Variants in ADA observed in about 807,000 individuals in gnomAD.
The protein encoded by ADA is adenosine aminohydrolase.
A neutral mutation model predicts 49.0 loss-of-function variants in ADA; 45 were observed. The observed-to-expected ratio is 0.92, with a 90% CI of 0.72 to 1.18. ADA has a LOEUF of 1.18. Ranked by LOEUF, ADA falls within the 50% of genes most tolerant of loss-of-function variation. ADA has a pLI of 0.00. For synonymous variants in ADA, 173 were observed against 184.2 expected, an observed-to-expected ratio of 0.94 and a Z score of 0.49; for missense variants, 445 against 472.5, an observed-to-expected ratio of 0.94 and a Z score of 0.54.
intron 4 of ADA, 103 bp from the exon 5 acceptor site, chr20:44,625,787 C>G: frequency 2.1e-6 from 2 of 937,664 alleles, no homozygotes; most frequent in Non-Finnish European, 3.4e-6. Context: ...TGGGGAGGAC[C>G]CTCCTCCCCC....
At chr20:44,632,231 C>T (rs1218929480) in intron 2 of ADA, among the ~76,000 whole-genome samples, 1 of 152,038 alleles carries the variant, frequency 6.6e-6, no homozygotes, top group African/African-American at 2.4e-5. Context: ...AGGCAGGAAG[C>T]CGCGGGCATT....
In ADA at chr20:44,624,280, G is replaced by A. The variant is rs780518207; in HGVS notation, c.528C>T (p.Thr176=). Reference sequence around the variant, plus strand: ...CTCCAGCCAGGTCAATGGCTACCACGGTCTGCTGCTGGTACTTCTTACACA... The same window carrying A: ...CTCCAGCCAGGTCAATGGCTACCACAGTCTGCTGCTGGTACTTCTTACACA... The part of the protein sequence containing the change: ...VELCKKYQQQ[T]VVAIDLAGDE... Residue 176 remains threonine (T), a synonymous_variant, in exon 6 of 12, where the codon ACC becomes ACT. Transcript: ENST00000372874. 40 of 1,613,864 alleles carry A rather than the reference G, an allele frequency of 2.5e-5. 1 individual carries two copies. In the East Asian group the frequency reaches 4.5e-4, roughly 18 times the overall value.
chr20:44,639,658 C>T (rs916991905), intron 1 of ADA, among the ~76,000 whole-genome samples: 8 of 152,084 alleles, frequency 5.3e-5, no homozygotes, highest in Admixed American at 5.2e-4. Context: ...AGTGATCTGC[C>T]CACCTCGGCC....
At position 44,643,748 on chromosome 20, in the gene ADA, G is replaced by C. The variant is rs544469921; in HGVS notation, c.34-7460C>G. Among the ~76,000 whole-genome samples, 3 of 152,290 alleles carry C rather than the reference G, an allele frequency of 2.0e-5. No homozygotes were observed. The South Asian group carries it at 6.2e-4, about 32-fold the overall frequency. On this transcript the variant is annotated intron_variant, in intron 1 of 11. Transcript: ENST00000372874. ...TCCCACTGCCTTTGCTCTCTGCAAG[G>C]CTGACTCACAGCCAGCCCAGCATTT...
intron 6 of ADA, chr20:44,623,812 A>G: frequency 3.2e-6 from 1 of 315,566 alleles, no homozygotes; most frequent in East Asian, 8.3e-5. Flanking sequence ...CAGTCGCATT[A>G]TCACAGCTCA....
rs192431376 is a variant in ADA, at chr20:44,629,001, T to C, written c.218+46A>G. On this transcript the variant is annotated intron_variant, in intron 3 of 11. Coordinates refer to ENST00000372874, the MANE Select transcript of ADA (RefSeq NM_000022.4). ...TGAGGGACAGGCCTGGTCCTAGTCA[T>C]AGGGATCAATGCTGCCCTAGGACCT... is the stretch of plus-strand genomic sequence containing the variant. The C allele has an allele frequency of 2.0e-4, 320 of 1,613,698 alleles. 2 individuals are homozygous for C. In the African/African-American group the frequency reaches 3.8e-3, roughly 19 times the overall value.
At chr20:44,650,983 G>A (rs2065639606) in intron 1 of ADA, among the ~76,000 whole-genome samples, 2 of 152,206 alleles carry the variant, frequency 1.3e-5, no homozygotes, top group African/African-American at 4.8e-5. Flanking sequence ...GGCCTCGAGT[G>A]AACCCTGCTA....
intron 1 of ADA, among the ~76,000 whole-genome samples, chr20:44,638,176 T>C (rs890636950): frequency 5.3e-5 from 8 of 152,210 alleles, no homozygotes; most frequent in African/African-American, 1.9e-4. Flanking sequence ...CCTCATCTGT[T>C]AAGTGGGGAG....
chr20:44,650,825 T>C (rs1331020961), intron 1 of ADA, among the ~76,000 whole-genome samples: 1 of 152,134 alleles, frequency 6.6e-6, no homozygotes, highest in Non-Finnish European at 1.5e-5. Context: ...TGACTCACCC[T>C]GCTTGGCAGA....
rs575603724 is a variant in ADA at position 44,623,046 on chromosome 20, G to A, written c.639C>T (p.Val213=). The A allele has an allele frequency of 1.7e-5, 28 of 1,614,102 alleles. No individual in the cohort carries two copies. In the East Asian group the frequency reaches 2.2e-4, roughly 13 times the overall value. The stretch of plus-strand genomic sequence containing the variant: ...CGGCCGAGCCCACCTCCCCGGCGTG[G>A]ACAGTACGGTGAATGCCGCTCTTCA... The part of the protein sequence containing the change: ...EAVKSGIHRT[V]HAGEVGSAEV... Residue 213 remains valine (V), a synonymous_variant, in exon 7 of 12, where the codon GTC becomes GTT. Transcript: ENST00000372874.
At chr20:44,651,529 G>A in intron 1 of ADA, 46 bp downstream of exon 1, 1 of 1,518,634 alleles carries the variant, frequency 6.6e-7, no homozygotes, top group Non-Finnish European at 8.8e-7. Context: ...CCCTCGGGCC[G>A]CCCAGGCGCC....
In ADA at chr20:44,625,679, TCC is replaced by T. The variant is rs758073965; in HGVS notation, c.366_367del (p.Asp123ProfsTer47). On this transcript the variant is annotated frameshift_variant, in exon 5 of 12. Coordinates refer to ENST00000372874, the MANE Select transcript of ADA (RefSeq NM_000022.4). LOFTEE classifies it high-confidence loss of function. The stretch of plus-strand genomic sequence containing the variant: ...GGCCACCACCTCGTCTGGGGTGAGG[TCC>T]CCTCTGTGTGAGGAGAGGAGTAGGG... 65 of 1,559,816 alleles carry T rather than the reference TCC, an allele frequency of 4.2e-5. No homozygotes were observed. Among genetic ancestry groups the T allele is most frequent in the Non-Finnish European group, 5.4e-5 (62 of 1,151,340 alleles).
At chr20:44,627,930 G>T (rs552471827) in intron 3 of ADA, among the ~76,000 whole-genome samples, 71 of 152,322 alleles carry the variant, frequency 4.7e-4, no homozygotes, top group African/African-American at 1.7e-3. Flanking sequence ...AACCCCACCC[G>T]GGTCAGTGCT....
chr20:44,644,804 A>G (rs903060755), intron 1 of ADA, among the ~76,000 whole-genome samples: 1 of 152,202 alleles, frequency 6.6e-6, no homozygotes, highest in Non-Finnish European at 1.5e-5. Context: ...CAGTCCCCAC[A>G]GTGTCTCCTG....
rs556190687 is a variant in ADA, at chr20:44,625,675, G to A, written c.372C>T (p.Leu124=). The change falls in exon 5 of 12, where the codon CTC becomes CTT. Residue 124 remains leucine, a synonymous_variant. Coordinates refer to ENST00000372874, the MANE Select transcript of ADA (RefSeq NM_000022.4). ...PIPWNQAEGD[L]TPDEVVALVG... is the part of the protein sequence containing the mutation. Reference sequence around the variant, plus strand: ...CTAGGGCCACCACCTCGTCTGGGGTGAGGTCCCCTCTGTGTGAGGAGAGGA... The same window carrying A: ...CTAGGGCCACCACCTCGTCTGGGGTAAGGTCCCCTCTGTGTGAGGAGAGGA... 1.3e-6 allele frequency: 2 copies of A among 1,562,296 alleles called. No homozygotes were observed. Among genetic ancestry groups the A allele is most frequent in the South Asian group, 2.4e-5 (2 of 84,836 alleles).
intron 1 of ADA, among the ~76,000 whole-genome samples, chr20:44,642,662 A>G (rs1374068900): frequency 1.3e-5 from 2 of 152,132 alleles, no homozygotes; most frequent in Non-Finnish European, 2.9e-5. Context: ...CAAGTGTGTT[A>G]AATCGGAGAG....
At chr20:44,641,370 TA>T (rs1341846439) in intron 1 of ADA, among the ~76,000 whole-genome samples, 1 of 151,958 alleles carries the variant, frequency 6.6e-6, no homozygotes, top group Non-Finnish European at 1.5e-5. Flanking sequence ...CACATGGGAA[TA>T]AGGTAAGAAA....
intron 1 of ADA, among the ~76,000 whole-genome samples, chr20:44,644,338 C>T (rs1214254326): frequency 6.6e-6 from 1 of 152,108 alleles, no homozygotes; most frequent in East Asian, 1.9e-4. Flanking sequence ...GCACCTCGCA[C>T]AGCACCTAGT....
intron 1 of ADA, among the ~76,000 whole-genome samples, chr20:44,649,285 C>T (rs1458260675): frequency 6.6e-6 from 1 of 152,072 alleles, no homozygotes; most frequent in East Asian, 1.9e-4. Context: ...CTGTCCCTCC[C>T]ACAAGAGGGC....
Sources: allele counts gnomAD v4.1 joint callset (sites outside exome capture counted in the v4.1 genomes callset), GRCh38; gene constraint gnomAD v4.1.1; transcripts MANE v1.5; gene names NCBI Gene and HGNC (gene_info 2026-07-23, HGNC 2026-07-21).